The following C12orf42 variants were observed in gnomAD, a reference collection of about 807,000 sequenced individuals.
The protein encoded by C12orf42 is uncharacterized protein C12orf42.
C12orf42 carries 25 observed loss-of-function variants against 21.6 expected under a neutral mutation model. The ratio of observed to expected loss-of-function variants is 1.16; its 90% CI spans 0.84 to 1.62. The LOEUF is 1.62. C12orf42 is among the 40% of genes most tolerant of loss of function. The probability of loss-of-function intolerance (pLI) is 0.00; values close to 1 mark genes in which losing one functional copy is unlikely to be tolerated. For missense variants in C12orf42, 483 were observed against 459.3 expected, an observed-to-expected ratio of 1.05 and a Z score of -0.47; for synonymous variants, 174 against 175.0, an observed-to-expected ratio of 0.99 and a Z score of 0.05.
chr12:103,323,075 TG>T (rs144661182), intron 4 of C12orf42, among the ~76,000 whole-genome samples: 13,401 of 152,296 alleles, frequency 0.088, 578 homozygotes, highest in East Asian at 0.18. Context: ...TCTTCTACAC[TG>T]GGCTATAAAG....
chr12:103,479,898 C>T (rs541671792), intron 1 of C12orf42, among the ~76,000 whole-genome samples: 1 of 152,076 alleles, frequency 6.6e-6, no homozygotes, highest in African/African-American at 2.4e-5. Context: ...GTGAAATTGC[C>T]TTTTTCCACT....
the C12orf42 span, among the ~76,000 whole-genome samples, chr12:103,174,849 C>G: frequency 6.6e-6 from 1 of 151,988 alleles, no homozygotes; most frequent in Non-Finnish European, 1.5e-5. Flanking sequence ...TCAAAGTTCC[C>G]AGAACTTTGA....
chr12:103,203,701 T>C, the C12orf42 span, among the ~76,000 whole-genome samples: 1 of 152,166 alleles, frequency 6.6e-6, no homozygotes, highest in Non-Finnish European at 1.5e-5. Context: ...AATTCCCCTT[T>C]TGTGGCCAGT....
chr12:103,084,495 T>C, the C12orf42 span, among the ~76,000 whole-genome samples: 2 of 152,188 alleles, frequency 1.3e-5, no homozygotes, highest in Non-Finnish European at 2.9e-5. Flanking sequence ...CCCAAATCTC[T>C]GTGCAAATAA....
the C12orf42 span, among the ~76,000 whole-genome samples, chr12:103,536,367 G>A: frequency 6.6e-6 from 1 of 152,166 alleles, no homozygotes; most frequent in East Asian, 1.9e-4. Flanking sequence ...GGAAAGGTAT[G>A]GGTGTCGATC....
the C12orf42 span, among the ~76,000 whole-genome samples, chr12:103,074,413 T>G: frequency 1.3e-5 from 2 of 152,016 alleles, no homozygotes; most frequent in African/African-American, 2.4e-5. Context: ...GCTTGGCAAA[T>G]GAAGTGGAGC....
At chr12:103,512,863 G>A in the C12orf42 span, among the ~76,000 whole-genome samples, 1,157 of 152,116 alleles carry the variant, frequency 7.6e-3, 14 homozygotes, top group African/African-American at 0.026. Flanking sequence ...TTAGCCAGGC[G>A]TGGTGGTGGG....
the C12orf42 span, among the ~76,000 whole-genome samples, chr12:103,048,415 A>C: frequency 6.6e-6 from 1 of 152,018 alleles, no homozygotes; most frequent in Non-Finnish European, 1.5e-5. Context: ...ACATGGGGGG[A>C]TTCAACACCC....
chr12:103,401,652 A>G lies in C12orf42; in HGVS notation c.102T>C (p.Ile34=), dbSNP rs748124491. The G allele has an allele frequency of 1.5e-5, 25 of 1,613,798 alleles. No individual in the cohort carries two copies. The highest frequency in any genetic ancestry group is 2.0e-5 in the Non-Finnish European group (24 of 1,179,822). The change falls in exon 3 of 6, where the codon ATT becomes ATC. Residue 34 remains isoleucine, a synonymous_variant. Transcript: ENST00000548883. ...RMQKSPCYIP[I]VSSATLWDRS... is the part of the protein sequence containing the mutation. The stretch of plus-strand genomic sequence containing the variant: ...TATCCCACAGGGTGGCACTGCTCAC[A>G]ATGGGAATATAGCAAGGGGATTTCT...
At chr12:103,508,257 A>C in the C12orf42 span, among the ~76,000 whole-genome samples, 1 of 152,214 alleles carries the variant, frequency 6.6e-6, no homozygotes, top group East Asian at 1.9e-4. Context: ...AACAAGAAAA[A>C]GAATAGAAGG....
At chr12:103,325,766 TTCC>T (rs1224856448) in intron 4 of C12orf42, among the ~76,000 whole-genome samples, 1 of 152,196 alleles carries the variant, frequency 6.6e-6, no homozygotes, top group African/African-American at 2.4e-5. Context: ...AGAGCTTGTT[TTCC>T]TCCTCCTTAA....
At chr12:103,322,106 CGTGCGT>C (rs1566077367) in intron 4 of C12orf42, among the ~76,000 whole-genome samples, 4 of 127,496 alleles carry the variant, frequency 3.1e-5, no homozygotes, top group East Asian at 2.9e-4. Flanking sequence ...TGTGCACGCG[CGTGCGT>C]GCGCGCGCGC....
the C12orf42 span, among the ~76,000 whole-genome samples, chr12:103,219,151 CTT>C: frequency 1.3e-5 from 2 of 152,210 alleles, no homozygotes; most frequent in African/African-American, 2.4e-5. Flanking sequence ...GGTCTTGACT[CTT>C]TATCCAATTT....
chr12:103,080,448 T>C, the C12orf42 span, among the ~76,000 whole-genome samples: 1 of 152,208 alleles, frequency 6.6e-6, no homozygotes, highest in Non-Finnish European at 1.5e-5. Context: ...CTAAGGATCA[T>C]CATTAATACA....
chr12:103,090,877 G>C, the C12orf42 span, among the ~76,000 whole-genome samples: 1 of 151,926 alleles, frequency 6.6e-6, no homozygotes, highest in South Asian at 2.1e-4. Flanking sequence ...ATAACTTTTT[G>C]TTCCTGAGAG....
chr12:103,174,023 C>T, the C12orf42 span, among the ~76,000 whole-genome samples: 1 of 152,218 alleles, frequency 6.6e-6, no homozygotes, highest in Non-Finnish European at 1.5e-5. Flanking sequence ...TCTCTCTAGA[C>T]TTACAGATCG....
At chr12:103,490,071 C>T (rs886106472) in intron 1 of C12orf42, among the ~76,000 whole-genome samples, 5 of 152,288 alleles carry the variant, frequency 3.3e-5, no homozygotes, top group Admixed American at 2.0e-4. Flanking sequence ...TATTCCTATT[C>T]GGCCATCTTG....
intron 2 of C12orf42, among the ~76,000 whole-genome samples, chr12:103,421,572 A>G (rs2049905633): frequency 8.9e-6 from 1 of 112,140 alleles, no homozygotes; most frequent in African/African-American, 3.8e-5. Flanking sequence ...AGACCTTGTC[A>G]ATAAATATAA....
At chr12:103,097,992 G>C in the C12orf42 span, among the ~76,000 whole-genome samples, 10 of 152,300 alleles carry the variant, frequency 6.6e-5, no homozygotes, top group South Asian at 1.2e-3. Flanking sequence ...AGCTGTCCTC[G>C]TATGACCTGA....
Sources: gnomAD v4.1 joint callset for allele counts (sites outside exome capture counted in the v4.1 genomes callset) on GRCh38, gnomAD v4.1.1 for gene constraint, MANE v1.5 for transcripts, NCBI Gene and HGNC (gene_info 2026-07-23, HGNC 2026-07-21) for gene names.